CCDC102B: variants seen among roughly 807,000 people sequenced by gnomAD.
CCDC102B encodes coiled-coil domain containing 102B.
A neutral mutation model predicts 57.4 loss-of-function variants in CCDC102B; 75 were observed. The ratio of observed to expected loss-of-function variants is 1.31; its 90% CI spans 1.08 to 1.58. The LOEUF (loss-of-function observed/expected upper bound fraction) is 1.58, where lower values mean the gene tolerates loss of function less well. CCDC102B is among the 40% of genes most tolerant of loss of function. The pLI is 0.00. For synonymous variants in CCDC102B, 206 were observed against 201.9 expected (o/e 1.02, Z -0.17); for missense variants, 636 against 582.6 (o/e 1.09, Z -0.94).
chr18:68,837,874 C>T (rs975222560), intron 2 of CCDC102B, among the ~76,000 whole-genome samples: 4 of 152,114 alleles, frequency 2.6e-5, no homozygotes, highest in African/African-American at 9.7e-5. Context: ...TATTTTATTG[C>T]TTGTCAAAAT....
rs1385421296 is a variant in CCDC102B, at chr18:69,040,342, C to T, written c.1435-13688C>T. On this transcript the variant is annotated intron_variant, in intron 7 of 7. Coordinates refer to ENST00000360242, the MANE Select transcript of CCDC102B (RefSeq NM_024781.3). Reference sequence around the variant, plus strand: ...TTTTTATTTTTGAATCCTTGAGGCACATTAAACAAATTATATCTATGTAGA... The same window carrying T: ...TTTTTATTTTTGAATCCTTGAGGCATATTAAACAAATTATATCTATGTAGA... Among the ~76,000 whole-genome samples the T allele has an allele frequency of 2.0e-5, 3 of 151,202 alleles. No homozygotes were observed. The East Asian group carries it at 5.8e-4, about 29-fold the overall frequency.
At chr18:68,930,580 A>G (rs1385056087) in intron 6 of CCDC102B, among the ~76,000 whole-genome samples, 2 of 151,830 alleles carry the variant, frequency 1.3e-5, no homozygotes, top group African/African-American at 4.8e-5. Context: ...TGAATTCCTC[A>G]TGTCATGGGC....
chr18:68,839,019 T>C lies in CCDC102B; in HGVS notation c.827+93T>C, dbSNP rs745482917. 1.6e-5 allele frequency: 16 copies of C among 987,646 alleles called. No individual in the cohort carries two copies. The African/African-American group carries it at 2.3e-4, about 14-fold the overall frequency. 61.2% of individuals were successfully genotyped at this position (987,646 alleles called of 1,614,324 possible). On this transcript the variant is annotated intron_variant, in intron 3 of 7. Transcript: ENST00000360242. ...ATAGATTGGTCATTTGATAATGTATTTTATCCATGTTTAGTCATTAAGTTT... is the reference window on the plus strand; with the variant it reads ...ATAGATTGGTCATTTGATAATGTATCTTATCCATGTTTAGTCATTAAGTTT...
At chr18:68,748,331 C>T (rs1022272227) in intron 2 of CCDC102B, among the ~76,000 whole-genome samples, 3 of 150,206 alleles carry the variant, frequency 2.0e-5, no homozygotes, top group African/African-American at 7.3e-5. Context: ...AACTAGAGTT[C>T]CAGATACAAT....
intron 2 of CCDC102B, among the ~76,000 whole-genome samples, chr18:68,725,815 A>G (rs991185157): frequency 6.6e-6 from 1 of 152,146 alleles, no homozygotes; most frequent in African/African-American, 2.4e-5. Flanking sequence ...TGAGCAGACT[A>G]TGGGAACTTG....
At chr18:68,892,775 G>C (rs923910442) in intron 5 of CCDC102B, among the ~76,000 whole-genome samples, 26 of 152,248 alleles carry the variant, frequency 1.7e-4, no homozygotes, top group African/African-American at 6.0e-4. Flanking sequence ...TAAATTCAAT[G>C]TAATTTAAGA....
chr18:68,864,212 G>A (rs1394414552), intron 4 of CCDC102B, among the ~76,000 whole-genome samples: 3 of 151,824 alleles, frequency 2.0e-5, no homozygotes, highest in Admixed American at 6.6e-5. Flanking sequence ...TTTCCCCAAG[G>A]AATCATCTGT....
At chr18:68,751,783 A>T (rs1429410926) in intron 2 of CCDC102B, among the ~76,000 whole-genome samples, 2 of 152,178 alleles carry the variant, frequency 1.3e-5, no homozygotes, top group East Asian at 1.9e-4. Context: ...GGAAAGAAAG[A>T]TGGGAAAAAG....
intron 6 of CCDC102B, among the ~76,000 whole-genome samples, chr18:68,915,005 A>C (rs28627458): frequency 1.3e-5 from 2 of 148,180 alleles, no homozygotes; most frequent in Admixed American, 6.7e-5. Context: ...GACAGACAGA[A>C]AGAGAGAGAG....
intron 7 of CCDC102B, among the ~76,000 whole-genome samples, chr18:69,019,923 G>T (rs1183787876): frequency 6.6e-6 from 1 of 152,050 alleles, no homozygotes; most frequent in Non-Finnish European, 1.5e-5. Context: ...ATCATAAACA[G>T]GTGTTGAACT....
intron 3 of CCDC102B, among the ~76,000 whole-genome samples, chr18:68,843,907 A>G (rs1045484923): frequency 1.3e-5 from 2 of 151,990 alleles, no homozygotes; most frequent in Non-Finnish European, 2.9e-5. Flanking sequence ...GCATAAATTT[A>G]GACATACAAT....
chr18:68,768,058 T>G (rs1319512899), intron 2 of CCDC102B, among the ~76,000 whole-genome samples: 1 of 152,176 alleles, frequency 6.6e-6, no homozygotes, highest in Admixed American at 6.6e-5. Context: ...CAATTTAAAC[T>G]ATCAGGCTAA....
chr18:68,918,982 G>T (rs1205923359), intron 6 of CCDC102B, among the ~76,000 whole-genome samples: 2 of 151,966 alleles, frequency 1.3e-5, no homozygotes, highest in East Asian at 3.9e-4. Flanking sequence ...GGGAAAGAAG[G>T]GAATATACAT....
At chr18:69,019,263 A>G (rs1417026498) in intron 7 of CCDC102B, among the ~76,000 whole-genome samples, 1 of 152,006 alleles carries the variant, frequency 6.6e-6, no homozygotes, top group African/African-American at 2.4e-5. Flanking sequence ...TGGAAATTTC[A>G]TAGGTATTGT....
chr18:68,963,360 G>T (rs1157791001), intron 6 of CCDC102B, among the ~76,000 whole-genome samples: 3 of 152,016 alleles, frequency 2.0e-5, no homozygotes, highest in African/African-American at 7.2e-5. Context: ...AAGTTAGTAA[G>T]AAAAAGTTCC....
chr18:68,938,952 A>G (rs1327711113), intron 6 of CCDC102B, among the ~76,000 whole-genome samples: 1 of 151,742 alleles, frequency 6.6e-6, no homozygotes, highest in African/African-American at 2.4e-5. Context: ...TGAGTACTTC[A>G]TTATTAATTT....
In CCDC102B at chr18:69,000,771, C is replaced by T. The variant is rs2051180036; in HGVS notation, c.1264-10163C>T. 2.0e-5 allele frequency among the ~76,000 whole-genome samples: 3 copies of T among 152,244 alleles called. 1 individual carries two copies. The South Asian group carries it at 6.2e-4, about 32-fold the overall frequency. ...GACCCTATTTTTATAGTCTGGGAACCTGCAGCGTCAAATTTGGAAATTTGA... is the reference window on the plus strand; with the variant it reads ...GACCCTATTTTTATAGTCTGGGAACTTGCAGCGTCAAATTTGGAAATTTGA... On this transcript the variant is annotated intron_variant, in intron 6 of 7. Coordinates refer to ENST00000360242, the MANE Select transcript of CCDC102B (RefSeq NM_024781.3).
chr18:68,958,183 T>A (rs899012902), intron 6 of CCDC102B, among the ~76,000 whole-genome samples: 1 of 152,150 alleles, frequency 6.6e-6, no homozygotes, highest in East Asian at 1.9e-4. Context: ...GGTGATTCAG[T>A]TACCTCCTAC....
At chr18:69,018,914 A>G (rs2051747619) in intron 7 of CCDC102B, among the ~76,000 whole-genome samples, 1 of 152,044 alleles carries the variant, frequency 6.6e-6, no homozygotes, top group African/African-American at 2.4e-5. Context: ...TCTAAGTCTA[A>G]TCCATTCTGA....
Sources: gnomAD v4.1 joint callset for allele counts (sites outside exome capture counted in the v4.1 genomes callset) on GRCh38, gnomAD v4.1.1 for gene constraint, MANE v1.5 for transcripts, NCBI Gene and HGNC (gene_info 2026-07-23, HGNC 2026-07-21) for gene names.